The following GDI2 variants were observed in gnomAD, a reference collection of about 807,000 sequenced individuals.
GDI2 encodes the protein GDP dissociation inhibitor 2.
Under a neutral mutation model 54.2 loss-of-function variants are expected in GDI2, and 22 were observed. The observed-to-expected ratio is 0.41, with a 90% CI of 0.29 to 0.58. The LOEUF (loss-of-function observed/expected upper bound fraction) is 0.58, where lower values mean the gene tolerates loss of function less well. Ranked by LOEUF, GDI2 falls within the 20% of genes least tolerant of loss-of-function variation. The pLI is 0.35. For synonymous variants in GDI2, 177 were observed against 182.1 expected, an observed-to-expected ratio of 0.97 and a Z score of 0.23; for missense variants, 422 against 546.0, an observed-to-expected ratio of 0.77 and a Z score of 2.26.
At chr10:5,805,399 G>T (rs1448202126) in intron 1 of GDI2, among the ~76,000 whole-genome samples, 2 of 146,528 alleles carry the variant, frequency 1.4e-5, no homozygotes, top group East Asian at 4.0e-4. Context: ...TTGGCAGGAT[G>T]CAGACAGGGT....
chr10:5,766,590 C>T lies in GDI2; in HGVS notation c.1040G>A (p.Gly347Glu). Residue 347 changes from glycine (G) to glutamate (E), a missense_variant, in exon 9 of 11, where the codon GGG (glycine) becomes GAG (glutamate). Physicochemically the swap from Gly to Glu is moderately conservative, Grantham distance 98. Coordinates refer to ENST00000380191, the MANE Select transcript of GDI2 (RefSeq NM_001494.4). The surrounding 1 kb of genome is among the most constrained non-coding windows in gnomAD (Gnocchi z 5.8). Reference sequence around the variant, plus strand: ...TGTACTAACTATAGCAATGTACTTCCCTTGTGCTGCTACATTGTGCGCAAA... The same window carrying T: ...TGTACTAACTATAGCAATGTACTTCTCTTGTGCTGCTACATTGTGCGCAAA... ...ISFAHNVAAQ[G>E]KYIAIVSTTV... 6.2e-7 allele frequency: 1 copy of T among 1,613,338 alleles called. No homozygotes were observed. Among genetic ancestry groups the T allele is most frequent in the Non-Finnish European group, 8.5e-7 (1 of 1,179,234 alleles).
At chr10:5,784,660 C>A (rs1049976283) in intron 6 of GDI2, among the ~76,000 whole-genome samples, 1 of 152,326 alleles carries the variant, frequency 6.6e-6, no homozygotes, top group African/African-American at 2.4e-5. Flanking sequence ...AGGGATGGGG[C>A]TTCCTGAGAG....
At position 5,813,251 on chromosome 10, in the gene GDI2, T is replaced by G; in HGVS notation, c.8A>C (p.Glu3Ala). MN[E>A]EYDVIVLGTG... ...GCCCAGCACGATCACGTCGTACTCC[T>G]CATTCATGGCGGGGCAGGCGCGGAC... Residue 3 changes from glutamate (E) to alanine (A), a missense_variant, in exon 1 of 11, where the codon GAG (glutamate) becomes GCG (alanine). Coordinates refer to ENST00000380191, the MANE Select transcript of GDI2 (RefSeq NM_001494.4). 2 of 1,596,832 alleles carry G rather than the reference T, an allele frequency of 1.3e-6. No homozygotes were observed. Among genetic ancestry groups the G allele is most frequent in the Non-Finnish European group, 1.7e-6 (2 of 1,173,666 alleles).
Position 5,798,802 on chromosome 10 carries a change from C to T in GDI2, c.153+1796G>A, listed in dbSNP as rs546135195. Among the ~76,000 whole-genome samples, 3 of 151,830 alleles carry T rather than the reference C, an allele frequency of 2.0e-5. No individual in the cohort carries two copies. The East Asian group carries it at 5.8e-4, about 29-fold the overall frequency. On this transcript the variant is annotated intron_variant, in intron 2 of 10. Transcript: ENST00000380191. Reference sequence around the variant, plus strand: ...AGCATGGCCAACAAGAAGAAATCCCCATCTCTACTAAAAATACAAAAAATT... The same window carrying T: ...AGCATGGCCAACAAGAAGAAATCCCTATCTCTACTAAAAATACAAAAAATT...
At chr10:5,798,871 A>G (rs1362795051) in intron 2 of GDI2, among the ~76,000 whole-genome samples, 1 of 4,646 alleles carries the variant, frequency 2.2e-4, no homozygotes, top group Non-Finnish European at 0.022. Flanking sequence ...GCTACTCAGA[A>G]GGCTGAGCAT....
chr10:5,794,232 T>TAA lies in GDI2; in HGVS notation c.388+651_388+652dup, dbSNP rs1554789578. On this transcript the variant is annotated intron_variant, in intron 4 of 10. Transcript: ENST00000380191. Reference sequence around the variant, plus strand: ...ATATATATATATATATATATATATATAAAACTCACCAGGAGTTCCTAAAAT... The same window carrying TAA: ...ATATATATATATATATATATATATATAAAAAACTCACCAGGAGTTCCTAAAAT... Among the ~76,000 whole-genome samples the TAA allele has an allele frequency of 5.3e-4, 52 of 97,404 alleles. 1 individual carries two copies. The highest frequency in any genetic ancestry group is 7.6e-4 in the African/African-American group (19 of 25,136). 63.9% of individuals were successfully genotyped at this position (97,404 alleles called of 152,430 possible).
At chr10:5,790,916 G>A (rs1042943913) in intron 4 of GDI2, among the ~76,000 whole-genome samples, 1 of 152,102 alleles carries the variant, frequency 6.6e-6, no homozygotes, top group Non-Finnish European at 1.5e-5. Flanking sequence ...AAGACTTTGG[G>A]ACACTGAGGA....
At chr10:5,770,156 TA>T (rs1195063664) in intron 7 of GDI2, among the ~76,000 whole-genome samples, 2 of 152,226 alleles carry the variant, frequency 1.3e-5, no homozygotes, top group African/African-American at 4.8e-5. Flanking sequence ...ATTCCGTTTA[TA>T]TAAAATATAG....
intron 4 of GDI2, among the ~76,000 whole-genome samples, chr10:5,792,764 G>A (rs921490057): frequency 6.7e-6 from 1 of 150,170 alleles, no homozygotes; most frequent in South Asian, 2.1e-4. Context: ...AAGTAGAAAA[G>A]TAAGAATGAG....
chr10:5,800,937 C>T (rs946728158), intron 1 of GDI2, among the ~76,000 whole-genome samples: 6 of 151,728 alleles, frequency 4.0e-5, no homozygotes, highest in African/African-American at 9.7e-5. Context: ...ACATTAGTCA[C>T]CTTTTAATTT....
intron 4 of GDI2, among the ~76,000 whole-genome samples, chr10:5,788,919 G>C (rs956864735): frequency 1.3e-5 from 2 of 152,028 alleles, no homozygotes; most frequent in East Asian, 3.9e-4. Context: ...TGCACCATCA[G>C]ACCTGGCTAA....
chr10:5,794,349 G>A (rs533437107), intron 4 of GDI2, among the ~76,000 whole-genome samples: 4 of 150,902 alleles, frequency 2.7e-5, no homozygotes, highest in Non-Finnish European at 4.4e-5. Flanking sequence ...GTAATATAGC[G>A]TAGGGTAAGC....
chr10:5,765,683 A>T lies in GDI2; in HGVS notation c.*323T>A. On this transcript the variant is annotated 3_prime_UTR_variant, in exon 11 of 11. Transcript: ENST00000380191. ...ATGGATCCAGCTCTTGAGCAGCAGCAGCACATAGCTACACTGATTAAAAGA... is the reference window on the plus strand; with the variant it reads ...ATGGATCCAGCTCTTGAGCAGCAGCTGCACATAGCTACACTGATTAAAAGA... 1 of 202,356 alleles carries T rather than the reference A, an allele frequency of 4.9e-6. No homozygotes were observed. Among genetic ancestry groups the T allele is most frequent in the Non-Finnish European group, 9.7e-6 (1 of 102,906 alleles). The allele number at this position is 202,356 out of a possible 1,614,324, so 12.5% of individuals were successfully genotyped here.
At chr10:5,809,721 CTG>C (rs1312039120) in intron 1 of GDI2, among the ~76,000 whole-genome samples, 1 of 152,176 alleles carries the variant, frequency 6.6e-6, no homozygotes, top group Non-Finnish European at 1.5e-5. Context: ...GTTTAAATAA[CTG>C]AAACTGAAAC....
At chr10:5,783,512 G>GT (rs551026260) in intron 6 of GDI2, among the ~76,000 whole-genome samples, 3 of 151,734 alleles carry the variant, frequency 2.0e-5, no homozygotes, top group South Asian at 2.1e-4. Flanking sequence ...TGAACACCTT[G>GT]TTTTTTTTCT....
intron 4 of GDI2, among the ~76,000 whole-genome samples, chr10:5,793,958 G>T (rs949397585): frequency 4.0e-5 from 6 of 151,690 alleles, no homozygotes; most frequent in Non-Finnish European, 8.8e-5. Flanking sequence ...GAGGTCAGGA[G>T]TTCAAGACCA....
chr10:5,785,433 G>A (rs1356992756), intron 5 of GDI2, among the ~76,000 whole-genome samples, 160 bp from the exon 6 acceptor site: 3 of 152,082 alleles, frequency 2.0e-5, no homozygotes, highest in Non-Finnish European at 2.9e-5. Context: ...GGAGTGCAGT[G>A]GTGCAATCTC....
chr10:5,782,152 A>G (rs1282337203), intron 6 of GDI2, among the ~76,000 whole-genome samples: 1 of 152,248 alleles, frequency 6.6e-6, no homozygotes. Flanking sequence ...AGACAATCCA[A>G]TCTTTAGAAA....
intron 1 of GDI2, among the ~76,000 whole-genome samples, chr10:5,812,947 G>A (rs533009340): frequency 6.6e-6 from 1 of 152,344 alleles, no homozygotes; most frequent in Non-Finnish European, 1.5e-5. Flanking sequence ...CAAGCGCAGA[G>A]GCCGGGCTCG....
Sources: gnomAD v4.1 joint callset for allele counts (sites outside exome capture counted in the v4.1 genomes callset) on GRCh38, gnomAD v4.1.1 for gene constraint, Gnocchi (gnomAD v3.1) non-coding constraint, MANE v1.5 for transcripts, NCBI Gene and HGNC (gene_info 2026-07-23, HGNC 2026-07-21) for gene names.